PIGP: variants seen among roughly 807,000 people sequenced by gnomAD.
The protein encoded by PIGP is phosphatidylinositol N-acetylglucosaminyltransferase subunit P.
A neutral mutation model predicts 16.9 loss-of-function variants in PIGP; 12 were observed. That is an observed-to-expected ratio of 0.71 (90% CI 0.46 to 1.15). PIGP has a LOEUF of 1.15. PIGP is among the 50% of genes most tolerant of loss of function. The probability of loss-of-function intolerance (pLI) is 0.00; values close to 1 mark genes in which losing one functional copy is unlikely to be tolerated. For missense variants in PIGP, 159 were observed against 153.5 expected (o/e 1.04, Z -0.19); for synonymous variants, 57 against 54.7 (o/e 1.04, Z -0.18).
At chr21:37,069,311 C>A in intron 3 of PIGP, 2 of 244,832 alleles carry the variant, frequency 8.2e-6, no homozygotes, top group African/African-American at 2.3e-5. Context: ...TTTTTTTTTC[C>A]TGTAGGGTCA....
At chr21:37,065,976 G>A (rs1038296471) in intron 4 of PIGP, among the ~76,000 whole-genome samples, 4 of 152,102 alleles carry the variant, frequency 2.6e-5, no homozygotes, top group Non-Finnish European at 5.9e-5. Flanking sequence ...CCACCTACTC[G>A]GGAGGCTGAG....
chr21:37,072,590 A>G (rs2298682), intron 1 of PIGP, 53 bp from the exon 2 acceptor site: 758,406 of 1,613,090 alleles, frequency 0.47, 181,411 homozygotes, highest in Non-Finnish European at 0.49. Context: ...GGCACCATTG[A>G]TCCATTCTCG....
Position 37,065,713 on chromosome 21 carries a change from C to T in PIGP, c.275-1G>A. ...TGCTGTTGATTTTTTGCATAGTTAT[C>T]TGTAAGAAAAGACCAAAAAGCTCTG... is the stretch of plus-strand genomic sequence containing the variant. On this transcript the variant is annotated splice_acceptor_variant, in intron 4 of 4. Coordinates refer to ENST00000360525, the MANE Select transcript of PIGP (RefSeq NM_153682.3). LOFTEE classifies it high-confidence loss of function. The T allele has an allele frequency of 8.1e-6, 13 of 1,612,160 alleles. No homozygotes were observed. Among genetic ancestry groups the T allele is most frequent in the Non-Finnish European group, 1.1e-5 (13 of 1,179,182 alleles).
At chr21:37,071,579 C>T (rs533611597) in intron 2 of PIGP, among the ~76,000 whole-genome samples, 10 of 152,282 alleles carry the variant, frequency 6.6e-5, no homozygotes, top group African/African-American at 1.4e-4. Context: ...ATAGCCTGGC[C>T]ATTACATTCA....
In PIGP at chr21:37,067,306, T is replaced by G; in HGVS notation, c.230A>C (p.Asn77Thr). Reference protein sequence around the residue: ...VIGYVLLFGINMMSTSPLDSI... With the variant: ...VIGYVLLFGITMMSTSPLDSI... Reference sequence around the variant, plus strand: ...GTCGAGTGGAGAGGTACTCATCATGTTAATCCCAAACAAGAGCACGTAGCC... The same window carrying G: ...GTCGAGTGGAGAGGTACTCATCATGGTAATCCCAAACAAGAGCACGTAGCC... The change falls in exon 4 of 5, where the codon AAC becomes ACC. Residue 77 changes from asparagine to threonine, a missense_variant. By Grantham distance (65) the Asn-to-Thr change is moderately conservative. Coordinates refer to ENST00000360525, the MANE Select transcript of PIGP (RefSeq NM_153682.3). The G allele has an allele frequency of 3.1e-6, 5 of 1,611,728 alleles. No individual in the cohort carries two copies. The highest frequency in any genetic ancestry group is 4.2e-6 in the Non-Finnish European group (5 of 1,177,814).
intron 1 of PIGP, chr21:37,072,739 G>T: frequency 1.3e-6 from 1 of 759,380 alleles, no homozygotes; most frequent in Non-Finnish European, 2.1e-6. Flanking sequence ...GGTGGCGGAG[G>T]ATAGGGCAGG....
At position 37,067,522 on chromosome 21, in the gene PIGP, G is replaced by T. The variant is rs542915020; in HGVS notation, c.156-142C>A. Reference sequence around the variant, plus strand: ...ACATAAGAGACAAATAGTTCCACAAGGCTTACAGTGAAAAACTGCAGTCCT... The same window carrying T: ...ACATAAGAGACAAATAGTTCCACAATGCTTACAGTGAAAAACTGCAGTCCT... On this transcript the variant is annotated intron_variant, in intron 3 of 4. Transcript: ENST00000360525. The T allele has an allele frequency of 5.4e-6, 3 of 556,804 alleles. No individual in the cohort carries two copies. In the African/African-American group the frequency reaches 5.8e-5, roughly 11 times the overall value. 34.5% of individuals were successfully genotyped at this position (556,804 alleles called of 1,614,324 possible).
At chr21:37,072,409 G>C (rs2070129461) in intron 2 of PIGP, 25 bp downstream of exon 2, 1 of 1,613,468 alleles carries the variant, frequency 6.2e-7, no homozygotes, top group South Asian at 1.1e-5. Flanking sequence ...AAAAGCCCCT[G>C]GCCATCCATC....
chr21:37,065,951 C>G (rs1051473277), intron 4 of PIGP, among the ~76,000 whole-genome samples: 2 of 152,066 alleles, frequency 1.3e-5, no homozygotes, highest in Non-Finnish European at 2.9e-5. Context: ...GGTGAGGTGG[C>G]GGGCGCCTGT....
chr21:37,067,835 A>G (rs538991245), intron 3 of PIGP, among the ~76,000 whole-genome samples: 7 of 152,190 alleles, frequency 4.6e-5, no homozygotes, highest in Admixed American at 1.3e-4. Context: ...ATCTTAGTAC[A>G]TTATTATTAT....
intron 3 of PIGP, 75 bp from the exon 4 acceptor site, chr21:37,067,455 C>CA: frequency 1.2e-6 from 1 of 802,348 alleles, no homozygotes; most frequent in South Asian, 1.6e-5. Context: ...GTCACAAAGC[C>CA]AACATGTTTT....
At chr21:37,069,295 G>GTTTTTTT in intron 3 of PIGP, 1 of 205,312 alleles carries the variant, frequency 4.9e-6, no homozygotes, top group Non-Finnish European at 9.6e-6. Flanking sequence ...TGTATCTTCA[G>GTTTTTTT]TTTTTTTTTT....
rs571641253 is a variant in PIGP at position 37,066,624 on chromosome 21, T to C, written c.274+638A>G. On this transcript the variant is annotated intron_variant, in intron 4 of 4. Coordinates refer to ENST00000360525, the MANE Select transcript of PIGP (RefSeq NM_153682.3). ...ACGTGTTGTGGCTCTTTTATCCACT[T>C]AATTGGAATAAGGAGTACACAATGA... Among the ~76,000 whole-genome samples the C allele has an allele frequency of 5.3e-5, 8 of 152,332 alleles. No individual in the cohort carries two copies. In the South Asian group the frequency reaches 1.4e-3, roughly 28 times the overall value.
chr21:37,069,640 A>G lies in PIGP; in HGVS notation c.83-16T>C. ...AGGTAAAGTACTGTAGAAAAGAAAA[A>G]GAAAAAAAAGAGGAAGAGAAGTCAG... On this transcript the variant is annotated splice_polypyrimidine_tract_variant and intron_variant, in intron 2 of 4. Coordinates refer to ENST00000360525, the MANE Select transcript of PIGP (RefSeq NM_153682.3). The G allele has an allele frequency of 1.3e-6, 2 of 1,513,408 alleles. No individual in the cohort carries two copies. Among genetic ancestry groups the G allele is most frequent in the Non-Finnish European group, 1.8e-6 (2 of 1,115,486 alleles). 93.7% of individuals were successfully genotyped at this position (1,513,408 alleles called of 1,614,324 possible).
chr21:37,072,032 C>T, intron 2 of PIGP: 2 of 759,730 alleles, frequency 2.6e-6, no homozygotes, highest in Non-Finnish European at 4.9e-6. Context: ...TAATCAGCAT[C>T]AGTGCCAGGG....
chr21:37,067,148 A>C, intron 4 of PIGP, 114 bp downstream of exon 4: 2 of 660,430 alleles, frequency 3.0e-6, no homozygotes, highest in South Asian at 3.7e-5. Flanking sequence ...CTGGGATTAC[A>C]GACGCGCACC....
At position 37,070,491 on chromosome 21, in the gene PIGP, G is replaced by C. The variant is rs574803692; in HGVS notation, c.83-867C>G. Among the ~76,000 whole-genome samples the C allele has an allele frequency of 1.5e-3, 224 of 152,292 alleles. 2 individuals carry two copies. Among genetic ancestry groups the C allele is most frequent in the African/African-American group, 4.9e-3 (205 of 41,568 alleles). ...CATTGTTACAAGTGCTCACGAATGA[G>C]TAATAAAAGATGACATAGAAGCACA... On this transcript the variant is annotated intron_variant, in intron 2 of 4. Transcript: ENST00000360525.
At chr21:37,069,394 T>C (rs1175922376) in intron 3 of PIGP, 158 bp downstream of exon 3, 2 of 451,204 alleles carry the variant, frequency 4.4e-6, no homozygotes, top group East Asian at 3.4e-5. Flanking sequence ...TAATTAGAGA[T>C]GTATCAATAG....
chr21:37,067,974 A>G (rs2069935184), intron 3 of PIGP, among the ~76,000 whole-genome samples: 8 of 150,996 alleles, frequency 5.3e-5, no homozygotes. Context: ...GCCTCTCAGT[A>G]TCATTATGTA....
Sources: gnomAD v4.1 joint callset for allele counts (sites outside exome capture counted in the v4.1 genomes callset) on GRCh38, gnomAD v4.1.1 for gene constraint, MANE v1.5 for transcripts, NCBI Gene and HGNC (gene_info 2026-07-23, HGNC 2026-07-21) for gene names.